DACH2: variants seen among roughly 807,000 people sequenced by gnomAD.
DACH2 encodes dachshund homolog 2.
A neutral mutation model predicts 35.8 loss-of-function variants in DACH2; 17 were observed. The ratio of observed to expected loss-of-function variants is 0.48; its 90% CI spans 0.33 to 0.71. DACH2 has a LOEUF of 0.71. Ranked by LOEUF, DACH2 falls within the 30% of genes least tolerant of loss-of-function variation. DACH2 has a pLI of 0.02. For synonymous variants in DACH2, 195 were observed against 177.3 expected (o/e 1.10, Z -0.79); for missense variants, 469 against 472.7 (o/e 0.99, Z 0.07).
intron 3 of DACH2, among the ~76,000 whole-genome samples, chrX:86,633,206 C>G (rs1191644613): frequency 9.0e-6 from 1 of 110,556 alleles, no homozygotes; most frequent in Non-Finnish European, 1.9e-5. Context: ...GGATAAAGCT[C>G]TAGTTGGACA....
intron 1 of DACH2, among the ~76,000 whole-genome samples, chrX:86,304,061 C>T (rs932076041): frequency 7.2e-5 from 8 of 111,619 alleles, no homozygotes; most frequent in African/African-American, 9.8e-5. Context: ...AATAAAGAGC[C>T]CAGATAAATC....
chrX:86,596,758 T>C (rs951809202), intron 3 of DACH2, among the ~76,000 whole-genome samples: 25 of 111,476 alleles, frequency 2.2e-4, no homozygotes, highest in African/African-American at 7.8e-4. Flanking sequence ...CTTTTGTTGC[T>C]TGTCCCCTCA....
At chrX:86,319,944 C>T (rs1198829255) in intron 1 of DACH2, among the ~76,000 whole-genome samples, 1 of 111,607 alleles carries the variant, frequency 9.0e-6, no homozygotes, top group African/African-American at 3.3e-5. Context: ...GCTGGTGAGA[C>T]CCTTTAAGAA....
rs141926378 is a variant in DACH2 at position 86,165,291 on chromosome X, G to A, written c.488+16183G>A. On this transcript the variant is annotated intron_variant, in intron 1 of 11. Transcript: ENST00000373125. ...CGTAAACAGTGCTGTAATGAACAAGGGAGTGCAGGTATCTCTTCGATATAC... is the reference window on the plus strand; with the variant it reads ...CGTAAACAGTGCTGTAATGAACAAGAGAGTGCAGGTATCTCTTCGATATAC... Among the ~76,000 whole-genome samples, 22 of 111,446 alleles carry A rather than the reference G, an allele frequency of 2.0e-4. No homozygotes were observed. In the East Asian group the frequency reaches 6.0e-3, roughly 30 times the overall value.
chrX:86,303,525 G>A (rs1248000652), intron 1 of DACH2, among the ~76,000 whole-genome samples: 1 of 110,481 alleles, frequency 9.1e-6, no homozygotes. Context: ...TCAATCAGAG[G>A]ATGGATGACC....
At chrX:86,261,410 C>G (rs1277940772) in intron 1 of DACH2, among the ~76,000 whole-genome samples, 1 of 111,669 alleles carries the variant, frequency 9.0e-6, no homozygotes, top group Non-Finnish European at 1.9e-5. Context: ...AATTTCAAAG[C>G]CAGTTCTTTG....
At chrX:86,684,751 A>G (rs1317609262) in intron 4 of DACH2, among the ~76,000 whole-genome samples, 1 of 110,630 alleles carries the variant, frequency 9.0e-6, no homozygotes, top group Non-Finnish European at 1.9e-5. Flanking sequence ...TATGAAAAAA[A>G]CTGTAAATTT....
At chrX:86,181,420 G>A (rs1041477011) in intron 1 of DACH2, among the ~76,000 whole-genome samples, 1 of 111,046 alleles carries the variant, frequency 9.0e-6, no homozygotes, top group Non-Finnish European at 1.9e-5. Flanking sequence ...CCATTTATGA[G>A]TGAAAACATG....
At chrX:86,772,334 A>G (rs983082774) in intron 7 of DACH2, among the ~76,000 whole-genome samples, 1 of 111,705 alleles carries the variant, frequency 9.0e-6, no homozygotes, top group African/African-American at 3.2e-5. Flanking sequence ...AATAGCAAGA[A>G]GCTTGAAGTC....
At position 86,760,595 on chromosome X, in the gene DACH2, A is replaced by G. The variant is rs186560928; in HGVS notation, c.1240+20713A>G. On this transcript the variant is annotated intron_variant, in intron 7 of 11. Transcript: ENST00000373125. ...TATATTTTTGGCAAGTTCCTGTCTC[A>G]TATTCTGAATTGCTTTTCTGATTTC... Among the ~76,000 whole-genome samples, 627 of 111,211 alleles carry G rather than the reference A, an allele frequency of 5.6e-3. 3 individuals carry two copies. Among genetic ancestry groups the G allele is most frequent in the African/African-American group, 0.019 (591 of 30,673 alleles).
At chrX:86,345,702 T>G (rs753599231) in intron 1 of DACH2, among the ~76,000 whole-genome samples, 1 of 111,985 alleles carries the variant, frequency 8.9e-6, no homozygotes, top group Admixed American at 9.5e-5. Context: ...ACAGACTGCC[T>G]GACAAGGCAA....
intron 1 of DACH2, among the ~76,000 whole-genome samples, chrX:86,290,022 G>A (rs1384965485): frequency 2.1e-5 from 2 of 95,432 alleles, no homozygotes; most frequent in Non-Finnish European, 4.2e-5. Flanking sequence ...GGTTGAACTA[G>A]TTTACAGTCC....
At chrX:86,560,578 C>T (rs1429064140) in intron 3 of DACH2, among the ~76,000 whole-genome samples, 2 of 100,120 alleles carry the variant, frequency 2.0e-5, no homozygotes, top group Admixed American at 1.1e-4. Flanking sequence ...AGAACAGAGC[C>T]CTCAGAAATA....
At chrX:86,254,654 ACTT>A (rs1263880174) in intron 1 of DACH2, among the ~76,000 whole-genome samples, 2 of 65,394 alleles carry the variant, frequency 3.1e-5, no homozygotes, top group African/African-American at 1.6e-4. Flanking sequence ...AAGCTTGTCT[ACTT>A]ATTTTTTTTT....
chrX:86,326,824 G>A (rs1411598521), intron 1 of DACH2, among the ~76,000 whole-genome samples: 1 of 111,567 alleles, frequency 9.0e-6, no homozygotes, highest in East Asian at 2.8e-4. Flanking sequence ...TACATTCTAG[G>A]TAATAAAGAG....
At chrX:86,435,067 C>A (rs2037046011) in intron 2 of DACH2, among the ~76,000 whole-genome samples, 2 of 111,388 alleles carry the variant, frequency 1.8e-5, no homozygotes, top group South Asian at 7.5e-4. Context: ...GACCCTAACA[C>A]TGCCCACTAG....
chrX:86,214,133 T>C (rs2032514201), intron 1 of DACH2, among the ~76,000 whole-genome samples: 1 of 111,348 alleles, frequency 9.0e-6, no homozygotes, highest in African/African-American at 3.3e-5. Flanking sequence ...CTATAATGCT[T>C]TGATAGCCTT....
At chrX:86,761,236 T>TC (rs1262535908) in intron 7 of DACH2, among the ~76,000 whole-genome samples, 1 of 110,283 alleles carries the variant, frequency 9.1e-6, no homozygotes, top group East Asian at 2.9e-4. Flanking sequence ...GATGTTCCCC[T>TC]CCCTGTGTCC....
At chrX:86,477,788 T>C (rs1219198046) in intron 2 of DACH2, among the ~76,000 whole-genome samples, 1 of 111,125 alleles carries the variant, frequency 9.0e-6, no homozygotes, top group East Asian at 2.8e-4. Context: ...TTTTCTCCGG[T>C]AGTATGATTA....
Sources: allele counts gnomAD v4.1 joint callset (sites outside exome capture counted in the v4.1 genomes callset), GRCh38; gene constraint gnomAD v4.1.1; transcripts MANE v1.5; gene names NCBI Gene and HGNC (gene_info 2026-07-23, HGNC 2026-07-21).